The following FUT8 variants were observed in gnomAD, a reference collection of about 807,000 sequenced individuals.
FUT8 encodes the protein alpha-(1,6)-fucosyltransferase.
FUT8 carries 29 observed loss-of-function variants against 71.3 expected under a neutral mutation model. That is an observed-to-expected ratio of 0.41 (90% CI 0.30 to 0.55). FUT8 has a LOEUF of 0.55. Ranked by LOEUF, FUT8 falls within the 20% of genes least tolerant of loss-of-function variation. The pLI is 0.34. For missense variants in FUT8, 544 were observed against 702.1 expected (o/e 0.77, Z 2.55); for synonymous variants, 254 against 239.3 (o/e 1.06, Z -0.57).
At chr14:65,359,022 C>T in the FUT8 span, among the ~76,000 whole-genome samples, 3 of 152,112 alleles carry the variant, frequency 2.0e-5, no homozygotes, top group South Asian at 6.2e-4. Flanking sequence ...ATACTGAGTC[C>T]ATATTCACAC....
chr14:65,621,733 G>C (rs986451169), intron 5 of FUT8, among the ~76,000 whole-genome samples: 1 of 151,992 alleles, frequency 6.6e-6, no homozygotes, highest in Non-Finnish European at 1.5e-5. Context: ...AGCTAATTTT[G>C]TATTTTTAGT....
At chr14:65,478,009 G>A (rs2066273619) in intron 2 of FUT8, among the ~76,000 whole-genome samples, 1 of 152,096 alleles carries the variant, frequency 6.6e-6, no homozygotes, top group African/African-American at 2.4e-5. Flanking sequence ...TTAATCAGAA[G>A]ATTCTAGCTT....
At chr14:65,635,377 A>G (rs765667588) in intron 6 of FUT8, among the ~76,000 whole-genome samples, 1 of 152,254 alleles carries the variant, frequency 6.6e-6, no homozygotes, top group East Asian at 1.9e-4. Flanking sequence ...GTACTGTGCC[A>G]AAGAGGAGTG....
At chr14:65,702,277 G>A (rs553578838) in intron 7 of FUT8, among the ~76,000 whole-genome samples, 3 of 151,666 alleles carry the variant, frequency 2.0e-5, no homozygotes, top group Admixed American at 6.6e-5. Flanking sequence ...CCCGGGAGGC[G>A]GAGGTTGCTG....
chr14:65,549,504 A>G lies in FUT8; in HGVS notation c.-227-11833A>G, dbSNP rs74902179. 6.8e-3 allele frequency among the ~76,000 whole-genome samples: 1,037 copies of G among 152,266 alleles called. 4 individuals carry two copies. The highest frequency in any genetic ancestry group is 0.011 in the Admixed American group (169 of 15,288). On this transcript the variant is annotated intron_variant, in intron 2 of 10. Transcript: ENST00000673929. ...TAGATTGGAAATTCTATATATACCC[A>G]TGGTTAAACATATTTTCAATGTACA...
rs1324423471 is a variant in FUT8, at chr14:65,467,593, C to T, written c.-228+11875C>T. ...CTGGGTTCAAGCGATCCTCCTGCCT[C>T]AGCCTCCTGAGTAGCTGGAATTAGA... On this transcript the variant is annotated intron_variant, in intron 2 of 10. Coordinates refer to ENST00000673929, the MANE Select transcript of FUT8 (RefSeq NM_001371533.1). The surrounding 1 kb of genome is among the most constrained non-coding windows in gnomAD (Gnocchi z 4.1). Among the ~76,000 whole-genome samples the T allele has an allele frequency of 5.9e-5, 9 of 152,200 alleles. No homozygotes were observed. Among genetic ancestry groups the T allele is most frequent in the Admixed American group, 5.9e-4 (9 of 15,290 alleles).
the FUT8 span, among the ~76,000 whole-genome samples, chr14:65,375,514 G>C: frequency 6.6e-6 from 1 of 152,146 alleles, no homozygotes; most frequent in Non-Finnish European, 1.5e-5. Context: ...CCAGCTACTT[G>C]GGAGGCTAGG....
chr14:65,609,020 C>T (rs996158896), intron 3 of FUT8, among the ~76,000 whole-genome samples: 4 of 151,720 alleles, frequency 2.6e-5, no homozygotes, highest in Admixed American at 1.3e-4. Context: ...CTTGGCCAGG[C>T]GCAGTGGCTC....
chr14:65,502,526 G>A (rs906239824), intron 2 of FUT8, among the ~76,000 whole-genome samples: 21 of 152,020 alleles, frequency 1.4e-4, no homozygotes, highest in East Asian at 1.3e-3. Flanking sequence ...TGCCCGGCCC[G>A]GGTCCACTTA....
chr14:65,489,458 C>A lies in FUT8; in HGVS notation c.-228+33740C>A, dbSNP rs2066453558. On this transcript the variant is annotated intron_variant, in intron 2 of 10. Coordinates refer to ENST00000673929, the MANE Select transcript of FUT8 (RefSeq NM_001371533.1). The surrounding 1 kb of genome is among the most constrained non-coding windows in gnomAD (Gnocchi z 4.0). ...TGTTTTTATAGGAATCTCTGCTATC[C>A]AGGGATAAAACATAACATGCAATTA... 6.6e-6 allele frequency among the ~76,000 whole-genome samples: 1 copy of A among 151,760 alleles called. No homozygotes were observed. The highest frequency in any genetic ancestry group is 2.1e-4 in the South Asian group (1 of 4,812).
chr14:65,568,458 C>G (rs1006919378), intron 3 of FUT8, among the ~76,000 whole-genome samples: 1 of 151,138 alleles, frequency 6.6e-6, no homozygotes, highest in Non-Finnish European at 1.5e-5. Context: ...AGTTGTATTC[C>G]ATAAGTTTTG....
rs765110580 is a variant in FUT8 at position 65,722,028 on chromosome 14, A to G, written c.1082+7A>G. 1.9e-6 allele frequency: 3 copies of G among 1,613,098 alleles called. No homozygotes were observed. In the African/African-American group the frequency reaches 4.0e-5, roughly 22 times the overall value. On this transcript the variant is annotated splice_region_variant and intron_variant, in intron 8 of 10. Coordinates refer to ENST00000673929, the MANE Select transcript of FUT8 (RefSeq NM_001371533.1). ...TCAAACATCCAGTTATTGGGTAAGA[A>G]TCTGATTTTTTCCCTCAAACTGTGA...
rs370526401 is a variant in FUT8, at chr14:65,508,883, G to T, written c.-227-52454G>T. ...TTTTCTTCCATTCTGTGGGTTGTTT[G>T]TTTGTTGCTTGTTTACTTTGCTGTG... On this transcript the variant is annotated intron_variant, in intron 2 of 10. Transcript: ENST00000673929. Among the ~76,000 whole-genome samples the T allele has an allele frequency of 9.9e-5, 15 of 152,188 alleles. No homozygotes were observed. In the East Asian group the frequency reaches 1.2e-3, roughly 12 times the overall value.
At chr14:65,680,990 T>C (rs952880855) in intron 7 of FUT8, among the ~76,000 whole-genome samples, 25 of 152,222 alleles carry the variant, frequency 1.6e-4, no homozygotes, top group Non-Finnish European at 1.0e-4. Context: ...TGGGAACATG[T>C]AATTCTTCCT....
rs1230663512 is a variant in FUT8, at chr14:65,467,529, T to C, written c.-228+11811T>C. On this transcript the variant is annotated intron_variant, in intron 2 of 10. Coordinates refer to ENST00000673929, the MANE Select transcript of FUT8 (RefSeq NM_001371533.1). This position sits in a 1 kb window ranked among gnomAD's most constrained non-coding sequence, Gnocchi z 4.1. ...TCTCACACTGTCGCCCGGGCTGGAG[T>C]GCAGTGGTGTGATCTTGGCTCACTG... Among the ~76,000 whole-genome samples the C allele has an allele frequency of 6.6e-6, 1 of 152,054 alleles. No individual in the cohort carries two copies. The highest frequency in any genetic ancestry group is 1.5e-5 in the Non-Finnish European group (1 of 68,010).
intron 3 of FUT8, among the ~76,000 whole-genome samples, chr14:65,613,968 G>C (rs895964297): frequency 2.0e-5 from 3 of 151,974 alleles, no homozygotes; most frequent in African/African-American, 7.2e-5. Flanking sequence ...AAAAAAATTA[G>C]CCAGGGATGG....
chr14:65,478,212 T>C (rs2066277015), intron 2 of FUT8, among the ~76,000 whole-genome samples: 1 of 152,186 alleles, frequency 6.6e-6, no homozygotes, highest in African/African-American at 2.4e-5. Context: ...TCTGAGTTGC[T>C]GACTTGAGGG....
In FUT8 at chr14:65,550,639, G is replaced by A. The variant is rs1330696981; in HGVS notation, c.-227-10698G>A. Reference sequence around the variant, plus strand: ...GTTCTACAAGTTATACATTTTTATTGTAGTTTTCTTTTTTCAACATTTTCA... The same window carrying A: ...GTTCTACAAGTTATACATTTTTATTATAGTTTTCTTTTTTCAACATTTTCA... On this transcript the variant is annotated intron_variant, in intron 2 of 10. Transcript: ENST00000673929. This position sits in a 1 kb window ranked among gnomAD's most constrained non-coding sequence, Gnocchi z 4.5. Among the ~76,000 whole-genome samples, 1 of 152,008 alleles carries A rather than the reference G, an allele frequency of 6.6e-6. No individual in the cohort carries two copies. Among genetic ancestry groups the A allele is most frequent in the Non-Finnish European group, 1.5e-5 (1 of 67,982 alleles).
At chr14:65,556,762 T>C (rs952544607) in intron 2 of FUT8, among the ~76,000 whole-genome samples, 1 of 152,212 alleles carries the variant, frequency 6.6e-6, no homozygotes, top group Non-Finnish European at 1.5e-5. Context: ...AATGGGTCTA[T>C]AAAATAATGT....
Sources: gnomAD v4.1 joint callset for allele counts (sites outside exome capture counted in the v4.1 genomes callset) on GRCh38, gnomAD v4.1.1 for gene constraint, Gnocchi (gnomAD v3.1) non-coding constraint, MANE v1.5 for transcripts, NCBI Gene and HGNC (gene_info 2026-07-23, HGNC 2026-07-21) for gene names.